The following ANKRD11 variants were observed in gnomAD, a reference collection of about 807,000 sequenced individuals.
ANKRD11 encodes the protein ankyrin repeat domain 11.
Under a neutral mutation model 195.7 loss-of-function variants are expected in ANKRD11, and 17 were observed. The ratio of observed to expected loss-of-function variants is 0.09; its 90% CI spans 0.06 to 0.13. The LOEUF (loss-of-function observed/expected upper bound fraction) is 0.13. ANKRD11 is among the 10% of genes least tolerant of loss of function. The pLI is 1.00. For missense variants in ANKRD11, 3,735 were observed against 3,566.1 expected (o/e 1.05, Z -1.21); for synonymous variants, 1,953 against 1,528.1 (o/e 1.28, Z -6.49).
chr16:89,349,242 A>C (rs1332209925), intron 2 of ANKRD11, among the ~76,000 whole-genome samples: 1 of 151,866 alleles, frequency 6.6e-6, no homozygotes, highest in Admixed American at 6.6e-5. Context: ...AAAAGACCAA[A>C]AACAGGCCAG....
intron 4 of ANKRD11, among the ~76,000 whole-genome samples, chr16:89,302,315 C>A (rs891828653): frequency 1.3e-5 from 2 of 152,164 alleles, no homozygotes; most frequent in Non-Finnish European, 2.9e-5. Context: ...TGCAATGGCG[C>A]AATCTTGGCT....
chr16:89,359,484 C>T (rs760692157), intron 2 of ANKRD11, among the ~76,000 whole-genome samples: 18 of 152,210 alleles, frequency 1.2e-4, no homozygotes, highest in African/African-American at 2.7e-4. Context: ...CCCACTGCTT[C>T]GGGATGCAGA....
At chr16:89,443,862 G>A (rs1368960274) in intron 1 of ANKRD11, among the ~76,000 whole-genome samples, 1 of 152,328 alleles carries the variant, frequency 6.6e-6, no homozygotes, top group East Asian at 1.9e-4. Flanking sequence ...CTGCTGGGAG[G>A]GCAGGGGCTT....
Position 89,337,008 on chromosome 16 carries a change from A to C in ANKRD11, c.-59-19930T>G, listed in dbSNP as rs1261206450. 2.3e-4 allele frequency among the ~76,000 whole-genome samples: 5 copies of C among 22,122 alleles called. No individual in the cohort carries two copies. In the South Asian group the frequency reaches 3.1e-3, roughly 14 times the overall value. 14.5% of individuals were successfully genotyped at this position (22,122 alleles called of 152,430 possible). On this transcript the variant is annotated intron_variant, in intron 2 of 12. Coordinates refer to ENST00000301030, the MANE Select transcript of ANKRD11 (RefSeq NM_013275.6). ...AACATGGTGAAACCCTGGCTCTACC[A>C]AAAAAAAAAAAAAAAAAAAAAAAAA...
At chr16:89,387,790 G>A (rs1032465950) in intron 2 of ANKRD11, among the ~76,000 whole-genome samples, 3 of 151,392 alleles carry the variant, frequency 2.0e-5, no homozygotes, top group Admixed American at 1.3e-4. Context: ...ATCATTTGAG[G>A]TCAGGGGTTC....
rs753265567 is a variant in ANKRD11 at position 89,285,262 on chromosome 16, C to G, written c.1280G>C (p.Arg427Thr). ...AGGCAATATCGTATGTGCCGAGAGTCTCAGCTTCTCTCCTGTCCCCACGGT... is the reference window on the plus strand; with the variant it reads ...AGGCAATATCGTATGTGCCGAGAGTGTCAGCTTCTCTCCTGTCCCCACGGT... ...SVTVGTGEKL[R>T]LSAHTILPGS... The change falls in exon 9 of 13, where the codon AGA becomes ACA. Residue 427 changes from arginine (R) to threonine (T), a missense_variant. Arg to Thr is a moderately conservative substitution (Grantham distance 71). Coordinates refer to ENST00000301030, the MANE Select transcript of ANKRD11 (RefSeq NM_013275.6). This position sits in a 1 kb window ranked among gnomAD's most constrained non-coding sequence, Gnocchi z 5.6. 2.5e-6 allele frequency: 4 copies of G among 1,613,862 alleles called. No individual in the cohort carries two copies. The highest frequency in any genetic ancestry group is 1.7e-6 in the Non-Finnish European group (2 of 1,180,028).
chr16:89,477,043 G>A (rs1213564111), intron 1 of ANKRD11, among the ~76,000 whole-genome samples: 3 of 152,206 alleles, frequency 2.0e-5, no homozygotes, highest in Non-Finnish European at 4.4e-5. Context: ...AATAAAAGCA[G>A]ACGGAGTAAG....
rs1435199471 is a variant in ANKRD11 at position 89,397,487 on chromosome 16, G to A, written c.-60+20797C>T. Reference sequence around the variant, plus strand: ...CCCACAGGAAGCAGGCCTTCCCCGTGGCGGGCCTTGCTGCTATCCGCGCTC... The same window carrying A: ...CCCACAGGAAGCAGGCCTTCCCCGTAGCGGGCCTTGCTGCTATCCGCGCTC... On this transcript the variant is annotated intron_variant, in intron 2 of 12. Transcript: ENST00000301030. Among the ~76,000 whole-genome samples the A allele has an allele frequency of 9.2e-5, 14 of 152,328 alleles. No individual in the cohort carries two copies. The South Asian group carries it at 2.7e-3, about 29-fold the overall frequency.
In ANKRD11 at chr16:89,283,170, C is replaced by T; in HGVS notation, c.3372G>A (p.Glu1124=). 1 of 1,614,076 alleles carries T rather than the reference C, an allele frequency of 6.2e-7. No homozygotes were observed. The highest frequency in any genetic ancestry group is 8.5e-7 in the Non-Finnish European group (1 of 1,180,038). Reference sequence around the variant, plus strand: ...TCCCCATGCAGCTGTCTCTGTCGTCCTCACTCTCATCTGTGAAGATGTCTG... The same window carrying T: ...TCCCCATGCAGCTGTCTCTGTCGTCTTCACTCTCATCTGTGAAGATGTCTG... ...YIADIFTDES[E]DDRDSCMGSG... Residue 1124 remains glutamate (E), a synonymous_variant, in exon 9 of 13, where the codon GAG becomes GAA. Coordinates refer to ENST00000301030, the MANE Select transcript of ANKRD11 (RefSeq NM_013275.6). The surrounding 1 kb of genome is among the most constrained non-coding windows in gnomAD (Gnocchi z 4.3).
chr16:89,384,845 ATG>A (rs2040826565), intron 2 of ANKRD11, among the ~76,000 whole-genome samples: 1 of 142,638 alleles, frequency 7.0e-6, no homozygotes, highest in Admixed American at 6.9e-5. Context: ...GTGTAAGAAC[ATG>A]TGTGTGGGAG....
intron 1 of ANKRD11, among the ~76,000 whole-genome samples, chr16:89,463,489 C>A (rs1220301580): frequency 6.6e-6 from 1 of 152,130 alleles, no homozygotes; most frequent in Non-Finnish European, 1.5e-5. Flanking sequence ...CGTTAAGAGT[C>A]ATCACCACTC....
intron 1 of ANKRD11, among the ~76,000 whole-genome samples, chr16:89,440,571 A>G (rs1442820465): frequency 6.6e-6 from 1 of 152,202 alleles, no homozygotes; most frequent in East Asian, 1.9e-4. Context: ...AGCTGTGAGT[A>G]CCAATGCACT....
chr16:89,404,146 A>T (rs1208932487), intron 2 of ANKRD11, among the ~76,000 whole-genome samples: 1 of 152,124 alleles, frequency 6.6e-6, no homozygotes, highest in African/African-American at 2.4e-5. Context: ...GCACCAACAG[A>T]CAGTCATGGA....
At chr16:89,310,960 T>C (rs868219353) in intron 3 of ANKRD11, among the ~76,000 whole-genome samples, 48 of 152,286 alleles carry the variant, frequency 3.2e-4, no homozygotes, top group South Asian at 6.2e-4. Flanking sequence ...CAGTGTTTCT[T>C]TGTCTGTTCT....
At position 89,350,031 on chromosome 16, in the gene ANKRD11, C is replaced by A. The variant is rs117106841; in HGVS notation, c.-59-32953G>T. ...CAAATGGCAGATATGAAAGTGAAGACACATGCTTCACCAAAGCAAATACAT... is the reference window on the plus strand; with the variant it reads ...CAAATGGCAGATATGAAAGTGAAGAAACATGCTTCACCAAAGCAAATACAT... On this transcript the variant is annotated intron_variant, in intron 2 of 12. Transcript: ENST00000301030. 5.3e-3 allele frequency among the ~76,000 whole-genome samples: 811 copies of A among 152,264 alleles called. 1 individual carries two copies. The highest frequency in any genetic ancestry group is 8.6e-3 in the Non-Finnish European group (587 of 68,018).
intron 3 of ANKRD11, among the ~76,000 whole-genome samples, chr16:89,308,353 A>T (rs1187417815): frequency 3.3e-5 from 5 of 152,236 alleles, no homozygotes; most frequent in Non-Finnish European, 5.9e-5. Flanking sequence ...ACTGTTTGTG[A>T]TGTGGGAGGA....
chr16:89,412,912 A>T (rs1182865224), intron 2 of ANKRD11, among the ~76,000 whole-genome samples: 2 of 152,170 alleles, frequency 1.3e-5, no homozygotes, highest in Non-Finnish European at 2.9e-5. Context: ...CAGAGGTCAC[A>T]GGTCAGCAGA....
intron 2 of ANKRD11, among the ~76,000 whole-genome samples, chr16:89,365,194 T>C (rs992132901): frequency 6.6e-6 from 1 of 152,306 alleles, no homozygotes; most frequent in South Asian, 2.1e-4. Flanking sequence ...GTGATGACTA[T>C]CTTGTTGGCT....
chr16:89,428,277 G>A (rs1311660625), intron 1 of ANKRD11, among the ~76,000 whole-genome samples: 1 of 152,120 alleles, frequency 6.6e-6, no homozygotes, highest in Admixed American at 6.5e-5. Context: ...TATAATCCCA[G>A]CACTTTGGGA....
Sources: allele counts gnomAD v4.1 joint callset (sites outside exome capture counted in the v4.1 genomes callset), GRCh38; gene constraint gnomAD v4.1.1; non-coding constraint Gnocchi (gnomAD v3.1); transcripts MANE v1.5; gene names NCBI Gene and HGNC (gene_info 2026-07-23, HGNC 2026-07-21).